The following GABRB1 variants were observed in gnomAD, a reference collection of about 807,000 sequenced individuals.
GABRB1 encodes gamma-aminobutyric acid type A receptor subunit beta1.
Under a neutral mutation model 51.6 loss-of-function variants are expected in GABRB1, and 17 were observed. The observed-to-expected ratio is 0.33, with a 90% CI of 0.23 to 0.49. GABRB1 has a LOEUF of 0.49. Among genes scored for constraint, GABRB1 ranks in the 20% least tolerant of loss-of-function variants. The pLI is 0.99. For missense variants in GABRB1, 410 were observed against 600.6 expected (o/e 0.68, Z 3.32); for synonymous variants, 247 against 218.9 (o/e 1.13, Z -1.14).
chr4:47,402,633 C>T lies in GABRB1; in HGVS notation c.545-685C>T, dbSNP rs187187391. Among the ~76,000 whole-genome samples the T allele has an allele frequency of 6.6e-5, 10 of 151,936 alleles. No homozygotes were observed. In the East Asian group the frequency reaches 1.6e-3, roughly 24 times the overall value. The stretch of plus-strand genomic sequence containing the variant: ...CATGCTGAAGACCTGAGGACAAGCC[C>T]TTCTATTACAATCTACAGTTCCCTA... On this transcript the variant is annotated intron_variant, in intron 5 of 8. Transcript: ENST00000295454.
chr4:47,348,270 C>G (rs896519749), intron 5 of GABRB1, among the ~76,000 whole-genome samples: 1 of 152,110 alleles, frequency 6.6e-6, no homozygotes. Context: ...CCATTTTCTA[C>G]TAAGTACTTA....
chr4:47,387,049 C>T (rs1386167009), intron 5 of GABRB1, among the ~76,000 whole-genome samples: 1 of 152,206 alleles, frequency 6.6e-6, no homozygotes, highest in African/African-American at 2.4e-5. Flanking sequence ...GGAAATCTTA[C>T]AGGGCTCTGT....
intron 5 of GABRB1, among the ~76,000 whole-genome samples, chr4:47,399,039 C>T (rs1440400007): frequency 6.6e-6 from 1 of 152,210 alleles, no homozygotes; most frequent in Admixed American, 6.5e-5. Flanking sequence ...ATCCGCCCAC[C>T]TTGGCCTCTC....
intron 4 of GABRB1, among the ~76,000 whole-genome samples, chr4:47,253,959 C>T (rs1396968269): frequency 2.0e-5 from 3 of 152,120 alleles, no homozygotes; most frequent in African/African-American, 7.2e-5. Context: ...GATAACATCT[C>T]TTTATTGAGA....
intron 3 of GABRB1, among the ~76,000 whole-genome samples, chr4:47,157,747 A>T (rs1287856256): frequency 6.6e-6 from 1 of 152,094 alleles, no homozygotes; most frequent in Non-Finnish European, 1.5e-5. Flanking sequence ...CATTATTATC[A>T]TCACAATTAT....
At chr4:47,017,473 T>C (rs543485904) in intron 1 of GABRB1, among the ~76,000 whole-genome samples, 1 of 152,292 alleles carries the variant, frequency 6.6e-6, no homozygotes, top group East Asian at 1.9e-4. Flanking sequence ...ATAGACTTCT[T>C]TGAGAATTGT....
chr4:47,200,600 G>T (rs993678575), intron 4 of GABRB1, among the ~76,000 whole-genome samples: 1 of 152,136 alleles, frequency 6.6e-6, no homozygotes, highest in Non-Finnish European at 1.5e-5. Context: ...TATTGTGGAA[G>T]TGACTGCTGG....
At chr4:47,197,396 G>A (rs1041098595) in intron 4 of GABRB1, among the ~76,000 whole-genome samples, 3 of 152,140 alleles carry the variant, frequency 2.0e-5, no homozygotes, top group African/African-American at 7.2e-5. Context: ...ATGGCAATGT[G>A]GTACAACACA....
rs377007587 is a variant in GABRB1 at position 47,399,037 on chromosome 4, A to T, written c.545-4281A>T. On this transcript the variant is annotated intron_variant, in intron 5 of 8. Coordinates refer to ENST00000295454, the MANE Select transcript of GABRB1 (RefSeq NM_000812.4). ...AATCTCCTGACCTCGTGATCCGCCC[A>T]CCTTGGCCTCTCGAAGTGCTGGGAT... 1.1e-3 allele frequency among the ~76,000 whole-genome samples: 170 copies of T among 152,232 alleles called. 1 individual carries two copies. Among genetic ancestry groups the T allele is most frequent in the South Asian group, 4.1e-3 (20 of 4,826 alleles).
intron 4 of GABRB1, among the ~76,000 whole-genome samples, chr4:47,191,952 G>A (rs1265813736): frequency 1.3e-5 from 2 of 152,028 alleles, no homozygotes; most frequent in Non-Finnish European, 2.9e-5. Context: ...ATTCACAAAT[G>A]GGAAAATCAC....
At chr4:47,146,545 G>A (rs1355100295) in intron 3 of GABRB1, among the ~76,000 whole-genome samples, 1 of 152,012 alleles carries the variant, frequency 6.6e-6, no homozygotes, top group East Asian at 1.9e-4. Flanking sequence ...GGAATTCCAG[G>A]CCACTCTCAA....
intron 5 of GABRB1, among the ~76,000 whole-genome samples, chr4:47,334,547 C>T (rs73813510): frequency 3.9e-5 from 6 of 152,108 alleles, no homozygotes; most frequent in African/African-American, 7.2e-5. Context: ...CTCCTAAACC[C>T]GCATTAAAAA....
intron 3 of GABRB1, among the ~76,000 whole-genome samples, chr4:47,045,359 TA>T (rs1474230050): frequency 6.6e-6 from 1 of 152,074 alleles, no homozygotes; most frequent in Non-Finnish European, 1.5e-5. Context: ...AGATAATGTG[TA>T]CAAATATTTT....
chr4:47,122,121 G>C, intron 3 of GABRB1, among the ~76,000 whole-genome samples: 1 of 152,080 alleles, frequency 6.6e-6, no homozygotes, highest in Non-Finnish European at 1.5e-5. Context: ...CTTAATATGT[G>C]ATCATCCTAG....
At chr4:47,246,807 G>A (rs1013422652) in intron 4 of GABRB1, among the ~76,000 whole-genome samples, 1 of 151,898 alleles carries the variant, frequency 6.6e-6, no homozygotes, top group African/African-American at 2.4e-5. Context: ...TCATATGTTT[G>A]TTGGCCATTA....
At chr4:47,152,883 A>G (rs923516588) in intron 3 of GABRB1, among the ~76,000 whole-genome samples, 4 of 152,024 alleles carry the variant, frequency 2.6e-5, no homozygotes, top group Non-Finnish European at 4.4e-5. Flanking sequence ...TTAGTGGAGT[A>G]TTAAGTCAAC....
intron 4 of GABRB1, among the ~76,000 whole-genome samples, chr4:47,182,882 C>T (rs566611598): frequency 6.6e-6 from 1 of 151,962 alleles, no homozygotes; most frequent in East Asian, 1.9e-4. Context: ...CAAAGCAAGC[C>T]AGACACATAA....
At chr4:47,190,160 A>G (rs1237526857) in intron 4 of GABRB1, among the ~76,000 whole-genome samples, 1 of 152,166 alleles carries the variant, frequency 6.6e-6, no homozygotes, top group Admixed American at 6.6e-5. Context: ...GGTGAATAGA[A>G]CAATGTGAAC....
chr4:47,030,331 G>C (rs190874921), upstream of GABRB1, among the ~76,000 whole-genome samples: 15 of 152,242 alleles, frequency 9.9e-5, no homozygotes, highest in East Asian at 2.7e-3. Flanking sequence ...GGTAACTCCT[G>C]TGTAGGGAAA....
Sources: gnomAD v4.1 joint callset for allele counts (sites outside exome capture counted in the v4.1 genomes callset) on GRCh38, gnomAD v4.1.1 for gene constraint, MANE v1.5 for transcripts, NCBI Gene and HGNC (gene_info 2026-07-23, HGNC 2026-07-21) for gene names.